Variants in VIPAS39 observed in about 807,000 individuals in gnomAD.
The protein encoded by VIPAS39 is spermatogenesis-defective protein 39 homolog.
In VIPAS39, 63 loss-of-function variants were observed where a neutral mutation model predicts 84.7. That is an observed-to-expected ratio of 0.74 (90% CI 0.61 to 0.92). The LOEUF (loss-of-function observed/expected upper bound fraction) is 0.92. VIPAS39 is among the 40% of genes least tolerant of loss of function. The pLI is 0.00. For synonymous variants in VIPAS39, 192 were observed against 216.5 expected, an observed-to-expected ratio of 0.89 and a Z score of 0.99; for missense variants, 499 against 604.5, an observed-to-expected ratio of 0.83 and a Z score of 1.83.
Position 77,449,431 on chromosome 14 carries a change from G to C in VIPAS39, c.383-74C>G, listed in dbSNP as rs76742098. The C allele has an allele frequency of 5.6e-3, 8,810 of 1,576,290 alleles. 424 individuals are homozygous for C. The African/African-American group carries it at 0.11, about 19-fold the overall frequency. ...TGTCATTCCTTCCCTCTACTTCTTC[G>C]TTCTCACATTTTTTTGACTTGTGGG... is the stretch of plus-strand genomic sequence containing the variant. On this transcript the variant is annotated intron_variant, in intron 5 of 19. Transcript: ENST00000557658.
chr14:77,457,526 A>G lies in VIPAS39; in HGVS notation c.-32T>C, dbSNP rs1425809847. 5.9e-6 allele frequency: 5 copies of G among 849,578 alleles called. No individual in the cohort carries two copies. In the Admixed American group the frequency reaches 1.3e-4, roughly 23 times the overall value. 52.6% of individuals were successfully genotyped at this position (849,578 alleles called of 1,614,324 possible). ...CGCACAGAGCCCTCCCTCTCAGGAC[A>G]GCGCCAGCCTCCGCCGCCGCTGGAC... is the stretch of plus-strand genomic sequence containing the variant. On this transcript the variant is annotated 5_prime_UTR_variant, in exon 1 of 20. Coordinates refer to ENST00000557658, the MANE Select transcript of VIPAS39 (RefSeq NM_001193315.2).
At chr14:77,434,012 A>T in intron 15 of VIPAS39, 81 bp from the exon 16 acceptor site, 1 of 1,471,704 alleles carries the variant, frequency 6.8e-7, no homozygotes, top group Non-Finnish European at 9.5e-7. Flanking sequence ...GAAAAGACAG[A>T]CATTAAATAT....
chr14:77,439,543 T>C (rs1470791955), intron 11 of VIPAS39, among the ~76,000 whole-genome samples: 1 of 152,110 alleles, frequency 6.6e-6, no homozygotes, highest in African/African-American at 2.4e-5. Context: ...TCCCAGAACT[T>C]TGGGAGGCCA....
chr14:77,449,861 T>C (rs947618605), intron 4 of VIPAS39, 109 bp from the exon 5 acceptor site: 6 of 1,285,466 alleles, frequency 4.7e-6, no homozygotes, highest in Non-Finnish European at 6.8e-6. Context: ...ATATAGGAAC[T>C]TAAGGCTTAA....
At chr14:77,436,435 T>G (rs1288308739) in intron 12 of VIPAS39, among the ~76,000 whole-genome samples, 1 of 152,102 alleles carries the variant, frequency 6.6e-6, no homozygotes, top group South Asian at 2.1e-4. Context: ...CAACACTGCA[T>G]TATGTTTTTT....
intron 7 of VIPAS39, 131 bp downstream of exon 7, chr14:77,448,363 A>G (rs2078829757): frequency 2.0e-6 from 2 of 984,638 alleles, no homozygotes; most frequent in East Asian, 2.4e-5. Context: ...CTGACTTTCA[A>G]CCTTAGTGGA....
intron 11 of VIPAS39, among the ~76,000 whole-genome samples, chr14:77,440,847 T>C (rs970100335): frequency 2.6e-5 from 4 of 151,200 alleles, no homozygotes; most frequent in African/African-American, 9.7e-5. Flanking sequence ...GCCTCCCAAG[T>C]AGCTGGGATT....
intron 12 of VIPAS39, 147 bp downstream of exon 12, chr14:77,437,661 C>T: frequency 1.2e-6 from 1 of 803,114 alleles, no homozygotes; most frequent in African/African-American, 1.7e-5. Context: ...TGTGTGAACA[C>T]CACTGCATGA....
chr14:77,456,611 G>T (rs12879415), intron 1 of VIPAS39, among the ~76,000 whole-genome samples: 3,120 of 152,306 alleles, frequency 0.02, 45 homozygotes, highest in Non-Finnish European at 0.03. Context: ...CTGGCTCCTA[G>T]ACCATTTCTA....
chr14:77,429,184 A>AAAAG, intron 17 of VIPAS39, 89 bp from the exon 18 acceptor site: 1 of 1,134,952 alleles, frequency 8.8e-7, no homozygotes, highest in South Asian at 1.3e-5. Context: ...TGAAGAAGGC[A>AAAAG]AAAGAGTTCA....
chr14:77,448,880 C>G (rs186153301), intron 6 of VIPAS39, among the ~76,000 whole-genome samples: 1 of 152,164 alleles, frequency 6.6e-6, no homozygotes, highest in Non-Finnish European at 1.5e-5. Context: ...CTTTGGCCAA[C>G]AGAAGGAAAG....
In VIPAS39 at chr14:77,435,388, A is replaced by G. The variant is rs1228009148; in HGVS notation, c.918T>C (p.Asn306=). 1 of 1,529,872 alleles carries G rather than the reference A, an allele frequency of 6.5e-7. No homozygotes were observed. Among genetic ancestry groups the G allele is most frequent in the South Asian group, 1.1e-5 (1 of 89,340 alleles). The allele number at this position is 1,529,872 out of a possible 1,614,324, so 94.8% of individuals were successfully genotyped here. A position where few individuals can be genotyped will look rare whatever the true frequency, so the allele number is the denominator to read the frequency against. ...GTCCTGCTGATTCTAGATGGCGATC[A>G]TTTGCCTGTGGTGGAGTGAGCCAAG... ...LLERQIIIEA[N]DRHLESAGQT... The change falls in exon 14 of 20, where the codon AAT becomes AAC. Residue 306 remains asparagine (N), a synonymous_variant. Transcript: ENST00000557658.
At position 77,448,673 on chromosome 14, in the gene VIPAS39, A is replaced by T. The variant is rs1036468454; in HGVS notation, c.448-123T>A. ...GGAAATAATTTGTGGGAGGGAATGGATGTGAAAAAAATGAAGAAATGGGAC... is the reference window on the plus strand; with the variant it reads ...GGAAATAATTTGTGGGAGGGAATGGTTGTGAAAAAAATGAAGAAATGGGAC... On this transcript the variant is annotated intron_variant, in intron 6 of 19. Transcript: ENST00000557658. 2.3e-5 allele frequency: 24 copies of T among 1,060,950 alleles called. No homozygotes were observed. In the Admixed American group the frequency reaches 2.6e-4, roughly 11 times the overall value. 65.7% of individuals were successfully genotyped at this position (1,060,950 alleles called of 1,614,324 possible).
Position 77,451,224 on chromosome 14 carries a change from C to T in VIPAS39, c.306G>A (p.Lys102=), listed in dbSNP as rs771292127. The T allele has an allele frequency of 1.2e-5, 19 of 1,614,192 alleles. No individual in the cohort carries two copies. The East Asian group carries it at 4.0e-4, about 34-fold the overall frequency. The change falls in exon 4 of 20, where the codon AAG becomes AAA. Residue 102 remains lysine (K), a synonymous_variant. Transcript: ENST00000557658. ...TGCTCAGGGAGTAGGTAGAAGTAGG[C>T]TTGGGTAGTTGTGCATAGGAGGAGA... is the stretch of plus-strand genomic sequence containing the variant. ...NSFSSYAQLP[K]PTSTYSLSSF...
intron 7 of VIPAS39, 37 bp downstream of exon 7, chr14:77,448,456 GC>G: frequency 6.2e-7 from 1 of 1,605,662 alleles, no homozygotes; most frequent in Non-Finnish European, 8.5e-7. Context: ...AAGCTGCCCA[GC>G]TTCCCAAAGA....
At chr14:77,451,433 G>A in intron 3 of VIPAS39, 100 bp from the exon 4 acceptor site, 1 of 1,579,720 alleles carries the variant, frequency 6.3e-7, no homozygotes. Context: ...AGAAGCCCTG[G>A]TCCCTTGGCC....
chr14:77,435,076 AC>A, intron 14 of VIPAS39, 182 bp downstream of exon 14: 1 of 842,046 alleles, frequency 1.2e-6, no homozygotes, highest in Non-Finnish European at 1.9e-6. Context: ...AACCTTACAA[AC>A]CTCTTTTCCC....
At chr14:77,453,482 A>C in intron 2 of VIPAS39, 81 bp from the exon 3 acceptor site, 1 of 1,375,772 alleles carries the variant, frequency 7.3e-7, no homozygotes, top group Non-Finnish European at 1.0e-6. Flanking sequence ...AGGCTGAGGA[A>C]TTGGGGCCTG....
chr14:77,427,429 G>T lies in VIPAS39; in HGVS notation c.*187C>A. 1 of 654,924 alleles carries T rather than the reference G, an allele frequency of 1.5e-6. No individual in the cohort carries two copies. Among genetic ancestry groups the T allele is most frequent in the Non-Finnish European group, 2.6e-6 (1 of 377,474 alleles). 40.6% of individuals were successfully genotyped at this position (654,924 alleles called of 1,614,324 possible). On this transcript the variant is annotated 3_prime_UTR_variant, in exon 20 of 20. Coordinates refer to ENST00000557658, the MANE Select transcript of VIPAS39 (RefSeq NM_001193315.2). ...CTCATGACTCAAAGCTTTAGATCTC[G>T]ATCCTCAGATGATGTTCCTTGGACA...
Sources: gnomAD v4.1 joint callset for allele counts (sites outside exome capture counted in the v4.1 genomes callset) on GRCh38, gnomAD v4.1.1 for gene constraint, MANE v1.5 for transcripts, NCBI Gene and HGNC (gene_info 2026-07-23, HGNC 2026-07-21) for gene names.